TMEM65: variants seen among roughly 807,000 people sequenced by gnomAD.
The protein encoded by TMEM65 is transmembrane protein 65.
TMEM65 carries 22 observed loss-of-function variants against 25.4 expected under a neutral mutation model. The observed-to-expected ratio is 0.86, with a 90% CI of 0.62 to 1.23. The LOEUF (loss-of-function observed/expected upper bound fraction) is 1.23, where lower values mean the gene tolerates loss of function less well. Ranked by LOEUF, TMEM65 falls within the 50% of genes most tolerant of loss-of-function variation. TMEM65 has a pLI of 0.00. For synonymous variants in TMEM65, 132 were observed against 126.2 expected (o/e 1.05, Z -0.31); for missense variants, 262 against 308.2 (o/e 0.85, Z 1.12).
intron 1 of TMEM65, among the ~76,000 whole-genome samples, chr8:124,337,275 C>A (rs142116757): frequency 9.9e-5 from 15 of 152,052 alleles, no homozygotes; most frequent in African/African-American, 3.4e-4. Flanking sequence ...TAATTTTCAA[C>A]TCATTTAATG....
At chr8:124,343,327 T>C (rs1814603644) in intron 1 of TMEM65, among the ~76,000 whole-genome samples, 1 of 152,146 alleles carries the variant, frequency 6.6e-6, no homozygotes, top group Admixed American at 6.6e-5. Context: ...TCTACCACTC[T>C]TATAAACTCT....
chr8:124,318,534 C>A (rs767655017), intron 6 of TMEM65, among the ~76,000 whole-genome samples: 17 of 151,668 alleles, frequency 1.1e-4, no homozygotes, highest in Admixed American at 1.3e-4. Context: ...TGCCACCACG[C>A]CCAGCTAATT....
intron 1 of TMEM65, among the ~76,000 whole-genome samples, chr8:124,347,900 T>C (rs1814657484): frequency 2.0e-5 from 3 of 151,646 alleles, no homozygotes; most frequent in African/African-American, 7.3e-5. Context: ...CTTTTTTTTT[T>C]TTTTTTTGAG....
At chr8:124,369,058 C>T (rs1409388384) in intron 1 of TMEM65, among the ~76,000 whole-genome samples, 1 of 152,026 alleles carries the variant, frequency 6.6e-6, no homozygotes, top group Non-Finnish European at 1.5e-5. Flanking sequence ...CATTGAAAGG[C>T]CACTGTAATA....
rs2131237493 is a variant in TMEM65 at position 124,372,231 on chromosome 8, C to A, written c.-74G>T. The A allele has an allele frequency of 8.3e-7, 1 of 1,198,366 alleles. No individual in the cohort carries two copies. The allele number at this position is 1,198,366 out of a possible 1,614,324, so 74.2% of individuals were successfully genotyped here. ...CTGGCGCGGCTGAGGCGAGAAGGAGCTGGGCTCAGCTCGACCCCGCCCCGA... is the reference window on the plus strand; with the variant it reads ...CTGGCGCGGCTGAGGCGAGAAGGAGATGGGCTCAGCTCGACCCCGCCCCGA... On this transcript the variant is annotated 5_prime_UTR_variant, in exon 1 of 7. Coordinates refer to ENST00000297632, the MANE Select transcript of TMEM65 (RefSeq NM_194291.3).
rs139670349 is a variant in TMEM65 at position 124,317,852 on chromosome 8, C to A, written c.621+2234G>T. Reference sequence around the variant, plus strand: ...GCAGGCTGCCATGTTGTGAGAGGGTCTACTGAGAGGGCCACATGGCAAAGA... The same window carrying A: ...GCAGGCTGCCATGTTGTGAGAGGGTATACTGAGAGGGCCACATGGCAAAGA... On this transcript the variant is annotated intron_variant, in intron 6 of 6. Transcript: ENST00000297632. Among the ~76,000 whole-genome samples the A allele has an allele frequency of 2.5e-3, 387 of 152,270 alleles. 1 individual carries two copies. The highest frequency in any genetic ancestry group is 7.9e-3 in the African/African-American group (329 of 41,548).
In TMEM65 at chr8:124,323,232, T is replaced by C. The variant is rs563676113; in HGVS notation, c.472+89A>G. On this transcript the variant is annotated intron_variant, in intron 4 of 6. Coordinates refer to ENST00000297632, the MANE Select transcript of TMEM65 (RefSeq NM_194291.3). ...ACAGATATCTCAATGAGTAAACTCA[T>C]TCAAATAAATTACCCTCCTCTAAAC... The C allele has an allele frequency of 1.1e-4, 76 of 711,364 alleles. 1 individual carries two copies. The Middle Eastern group carries it at 1.6e-3, about 15-fold the overall frequency. The allele number at this position is 711,364 out of a possible 1,614,324, so 44.1% of individuals were successfully genotyped here.
rs1435801941 is a variant in TMEM65, at chr8:124,333,466, T to TGTGC, written c.305-2678_305-2675dup. ...ACAGTTCTTTCCATCTGTGTGTGTG[T>TGTGC]GTGCGTGTGTGTGTGTGTGTGTGTG... On this transcript the variant is annotated intron_variant, in intron 1 of 6. Transcript: ENST00000297632. Among the ~76,000 whole-genome samples, 5 of 83,228 alleles carry TGTGC rather than the reference T, an allele frequency of 6.0e-5. No homozygotes were observed. The South Asian group carries it at 2.5e-3, about 42-fold the overall frequency. The allele number at this position is 83,228 out of a possible 152,430, so 54.6% of individuals were successfully genotyped here.
At chr8:124,338,454 C>G (rs1814538863) in intron 1 of TMEM65, among the ~76,000 whole-genome samples, 1 of 151,906 alleles carries the variant, frequency 6.6e-6, no homozygotes, top group South Asian at 2.1e-4. Flanking sequence ...TCATCGCAGA[C>G]AAAGTATGTC....
Position 124,372,000 on chromosome 8 carries a change from C to T in TMEM65, c.158G>A (p.Arg53Gln). The change falls in exon 1 of 7, where the codon CGG (arginine) becomes CAG (glutamine). Residue 53 changes from arginine (R) to glutamine (Q), a missense_variant. By Grantham distance (43) the Arg-to-Gln change is conservative. Coordinates refer to ENST00000297632, the MANE Select transcript of TMEM65 (RefSeq NM_194291.3). ...CTCCTTCTTGGGGTGCGTGCCCAGC[C>T]GCCTGGGGCCGCCCGGCAAGCCGCC... is the stretch of plus-strand genomic sequence containing the variant. ...PPGGLPGGPR[R>Q]LGTHPKKEPM... 3 of 1,346,768 alleles carry T rather than the reference C, an allele frequency of 2.2e-6. No individual in the cohort carries two copies. The highest frequency in any genetic ancestry group is 3.1e-5 in the East Asian group (1 of 32,038). The allele number at this position is 1,346,768 out of a possible 1,614,324, so 83.4% of individuals were successfully genotyped here.
At position 124,310,591 on chromosome 8, in the gene TMEM65, A is replaced by T. The variant is rs1363070905; in HGVS notation, c.*3369T>A. The T allele has an allele frequency of 6.6e-6, 1 of 152,202 alleles. No individual in the cohort carries two copies. The highest frequency in any genetic ancestry group is 1.5e-5 in the Non-Finnish European group (1 of 68,028). 9.4% of individuals were successfully genotyped at this position (152,202 alleles called of 1,614,324 possible). On this transcript the variant is annotated 3_prime_UTR_variant, in exon 7 of 7. Transcript: ENST00000297632. ...ATAGCCCCAACTTAATGTTGTCATT[A>T]AGGTGATTAAATGCAATAATGTGTG...
At chr8:124,333,265 C>T (rs1405975647) in intron 1 of TMEM65, among the ~76,000 whole-genome samples, 2 of 151,718 alleles carry the variant, frequency 1.3e-5, no homozygotes, top group African/African-American at 2.4e-5. Flanking sequence ...AATGTAATTA[C>T]TGCCAGTATA....
chr8:124,330,635 C>G, intron 2 of TMEM65, 113 bp downstream of exon 2: 1 of 1,036,664 alleles, frequency 9.6e-7, no homozygotes, highest in Non-Finnish European at 1.4e-6. Flanking sequence ...GGATAATCCA[C>G]TCTATCTGGA....
Position 124,320,215 on chromosome 8 carries a change from A to C in TMEM65, c.516-24T>G, listed in dbSNP as rs763191774. 3.9e-6 allele frequency: 6 copies of C among 1,553,584 alleles called. No homozygotes were observed. The African/African-American group carries it at 6.8e-5, about 18-fold the overall frequency. On this transcript the variant is annotated intron_variant, in intron 5 of 6. Transcript: ENST00000297632. ...GTCTTTGAAGAAACAAGACAATATG[A>C]TATATAGGTTATGTTTCAATAAAGC...
intron 3 of TMEM65, among the ~76,000 whole-genome samples, chr8:124,325,216 C>G (rs1200250072): frequency 6.6e-6 from 1 of 151,822 alleles, no homozygotes; most frequent in African/African-American, 2.4e-5. Context: ...AAAGAAGAAT[C>G]AACTATCTCC....
intron 1 of TMEM65, among the ~76,000 whole-genome samples, chr8:124,333,515 C>T (rs1814463550): frequency 6.8e-6 from 1 of 147,822 alleles, no homozygotes; most frequent in South Asian, 2.1e-4. Flanking sequence ...GTATTATATA[C>T]ATCATACTCT....
intron 1 of TMEM65, among the ~76,000 whole-genome samples, chr8:124,351,689 C>A (rs1814710257): frequency 6.6e-6 from 1 of 152,102 alleles, no homozygotes; most frequent in Non-Finnish European, 1.5e-5. Flanking sequence ...GAACTTTTTG[C>A]CAGGGTCACT....
chr8:124,326,834 G>A (rs1049773195), intron 3 of TMEM65, among the ~76,000 whole-genome samples: 1 of 151,796 alleles, frequency 6.6e-6, no homozygotes, highest in Admixed American at 6.6e-5. Context: ...CACAACAAAG[G>A]GGAATTTTTT....
At chr8:124,346,213 A>C (rs551503157) in intron 1 of TMEM65, among the ~76,000 whole-genome samples, 1 of 152,276 alleles carries the variant, frequency 6.6e-6, no homozygotes, top group South Asian at 2.1e-4. Flanking sequence ...ATCTCGTGAG[A>C]ACTTCCTCCC....
Sources: gnomAD v4.1 joint callset for allele counts (sites outside exome capture counted in the v4.1 genomes callset) on GRCh38, gnomAD v4.1.1 for gene constraint, MANE v1.5 for transcripts, NCBI Gene and HGNC (gene_info 2026-07-23, HGNC 2026-07-21) for gene names.